LDLRAP1: variants seen among roughly 807,000 people sequenced by gnomAD.
LDLRAP1 encodes low density lipoprotein receptor adaptor protein 1.
LDLRAP1 carries 30 observed loss-of-function variants against 37.8 expected under a neutral mutation model. The ratio of observed to expected loss-of-function variants is 0.79; its 90% CI spans 0.59 to 1.08. The LOEUF (loss-of-function observed/expected upper bound fraction) is 1.08. Ranked by LOEUF, LDLRAP1 falls within the 50% of genes least tolerant of loss-of-function variation. LDLRAP1 has a pLI of 0.00. For missense variants in LDLRAP1, 375 were observed against 401.6 expected (o/e 0.93, Z 0.57); for synonymous variants, 156 against 169.8 (o/e 0.92, Z 0.63).
intron 1 of LDLRAP1, among the ~76,000 whole-genome samples, chr1:25,550,417 T>C (rs893586916): frequency 6.6e-6 from 1 of 151,742 alleles, no homozygotes; most frequent in Non-Finnish European, 1.5e-5. Context: ...CTGGAAGAGG[T>C]TGGATGTGTG....
chr1:25,560,137 G>A (rs557359940), intron 4 of LDLRAP1, among the ~76,000 whole-genome samples: 24 of 152,304 alleles, frequency 1.6e-4, no homozygotes, highest in African/African-American at 5.5e-4. Context: ...GCAGAGGGGC[G>A]AAGTGAAATG....
rs2044175128 is a variant in LDLRAP1, at chr1:25,555,392, C to A, written c.344+420C>A. On this transcript the variant is annotated intron_variant, in intron 3 of 8. Transcript: ENST00000374338. The surrounding 1 kb of genome is among the most constrained non-coding windows in gnomAD (Gnocchi z 4.7). ...ATTCCAGGGAGGCCTCAGCCAAGGT[C>A]TGAAGTCAGAGTATAGATGGTCTCT... Among the ~76,000 whole-genome samples, 1 of 152,166 alleles carries A rather than the reference C, an allele frequency of 6.6e-6. No homozygotes were observed. Among genetic ancestry groups the A allele is most frequent in the South Asian group, 2.1e-4 (1 of 4,824 alleles).
the LDLRAP1 span, among the ~76,000 whole-genome samples, chr1:25,581,029 C>T: frequency 6.6e-6 from 1 of 152,112 alleles, no homozygotes; most frequent in Non-Finnish European, 1.5e-5. Flanking sequence ...GCAGGAAGGG[C>T]CTGTCTAGAC....
At chr1:25,565,263 C>T in intron 8 of LDLRAP1, 56 bp downstream of exon 8, 1 of 1,592,060 alleles carries the variant, frequency 6.3e-7, no homozygotes, top group Non-Finnish European at 8.6e-7. Context: ...GCTGGCCCTG[C>T]TGCCCTTTCT....
chr1:25,554,153 GT>G lies in LDLRAP1; in HGVS notation c.231+91del. Reference sequence around the variant, plus strand: ...GCCCTCGTCCCAGCTTGTTACTCCAGTTGGGTGTGTCTGAGCCTGGCCCTGC... The same window carrying G: ...GCCCTCGTCCCAGCTTGTTACTCCAGTGGGTGTGTCTGAGCCTGGCCCTGC... On this transcript the variant is annotated intron_variant, in intron 2 of 8. Coordinates refer to ENST00000374338, the MANE Select transcript of LDLRAP1 (RefSeq NM_015627.3). The surrounding 1 kb of genome is among the most constrained non-coding windows in gnomAD (Gnocchi z 5.4). 6.6e-7 allele frequency: 1 copy of G among 1,524,788 alleles called. No homozygotes were observed. Among genetic ancestry groups the G allele is most frequent in the Non-Finnish European group, 9.0e-7 (1 of 1,115,238 alleles). 94.5% of individuals were successfully genotyped at this position (1,524,788 alleles called of 1,614,324 possible).
At chr1:25,558,851 C>T (rs1157827938) in intron 4 of LDLRAP1, among the ~76,000 whole-genome samples, 2 of 152,098 alleles carry the variant, frequency 1.3e-5, no homozygotes, top group Non-Finnish European at 2.9e-5. Flanking sequence ...ATCTTGGGGG[C>T]GGACACACGA....
At chr1:25,552,706 AGAAAC>A (rs2044100417) in intron 1 of LDLRAP1, among the ~76,000 whole-genome samples, 1 of 152,180 alleles carries the variant, frequency 6.6e-6, no homozygotes, top group African/African-American at 2.4e-5. Context: ...GGGGATGGTC[AGAAAC>A]TGTCAGTGCA....
the LDLRAP1 span, among the ~76,000 whole-genome samples, chr1:25,585,758 C>G: frequency 0.02 from 3,105 of 152,312 alleles, 55 homozygotes; most frequent in Non-Finnish European, 0.028. Flanking sequence ...TTCTCCCTTT[C>G]TACTGCCTAC....
chr1:25,566,061 C>T (rs551544352), intron 8 of LDLRAP1, among the ~76,000 whole-genome samples: 95 of 152,300 alleles, frequency 6.2e-4, no homozygotes, highest in Non-Finnish European at 1.1e-3. Context: ...CACTGGCTGA[C>T]GACACCTGCC....
At chr1:25,588,350 C>T in the LDLRAP1 span, among the ~76,000 whole-genome samples, 1 of 152,218 alleles carries the variant, frequency 6.6e-6, no homozygotes, top group Non-Finnish European at 1.5e-5. Context: ...CATCTGTCTC[C>T]TGCTCGTCCC....
chr1:25,586,561 C>T, the LDLRAP1 span, among the ~76,000 whole-genome samples: 2 of 150,180 alleles, frequency 1.3e-5, no homozygotes, highest in Non-Finnish European at 3.0e-5. The surrounding 1 kb of genome is among the most constrained non-coding windows in gnomAD (Gnocchi z 4.3). Context: ...TGTGTGTGTA[C>T]GTGCGTGTGT....
chr1:25,568,626 T>C lies in LDLRAP1; in HGVS notation c.*1634T>C, dbSNP rs2044548278. On this transcript the variant is annotated 3_prime_UTR_variant, in exon 9 of 9. Coordinates refer to ENST00000374338, the MANE Select transcript of LDLRAP1 (RefSeq NM_015627.3). The stretch of plus-strand genomic sequence containing the variant: ...GGATAACTTCCTTGCCCCTGCTCTG[T>C]AGCCACCTCCTTGGCACCGGCCTCT... 6.6e-6 allele frequency: 1 copy of C among 152,256 alleles called. No homozygotes were observed. Among genetic ancestry groups the C allele is most frequent in the Non-Finnish European group, 1.5e-5 (1 of 68,064 alleles). The allele number at this position is 152,256 out of a possible 1,614,324, so 9.4% of individuals were successfully genotyped here.
chr1:25,581,681 G>A, the LDLRAP1 span: 3 of 152,530 alleles, frequency 2.0e-5, no homozygotes, highest in African/African-American at 7.2e-5. Flanking sequence ...TATGCTGAAG[G>A]GGAAATGGAG....
intron 1 of LDLRAP1, among the ~76,000 whole-genome samples, chr1:25,545,049 G>C (rs1395870867): frequency 6.6e-6 from 1 of 152,266 alleles, no homozygotes; most frequent in African/African-American, 2.4e-5. Flanking sequence ...CTGCTGGTGG[G>C]GGGTGGGGTC....
chr1:25,554,018 AG>A lies in LDLRAP1; in HGVS notation c.188del (p.Gly63ValfsTer26). The A allele has an allele frequency of 6.2e-7, 1 of 1,614,096 alleles. No individual in the cohort carries two copies. The highest frequency in any genetic ancestry group is 8.5e-7 in the Non-Finnish European group (1 of 1,180,024). On this transcript the variant is annotated frameshift_variant, in exon 2 of 9. Transcript: ENST00000374338. LOFTEE classifies it high-confidence loss of function. The surrounding 1 kb of genome is among the most constrained non-coding windows in gnomAD (Gnocchi z 5.4). ...YLGMTLVEQP[K>X]GEELSAAAIK... ...GGCATGACGCTAGTGGAGCAGCCCAAGGGTGAGGAGCTGTCGGCCGCCGCCA... is the reference window on the plus strand; with the variant it reads ...GGCATGACGCTAGTGGAGCAGCCCAAGGTGAGGAGCTGTCGGCCGCCGCCA...
chr1:25,584,878 T>C, the LDLRAP1 span, among the ~76,000 whole-genome samples: 1 of 152,214 alleles, frequency 6.6e-6, no homozygotes, highest in Admixed American at 6.5e-5. Flanking sequence ...TTCCTGCTGC[T>C]ATCCTGTTCC....
rs906889071 is a variant in LDLRAP1, at chr1:25,555,055, A to G, written c.344+83A>G. Reference sequence around the variant, plus strand: ...ATCCCATCTGAATCCAGGCTCTACCACTTCCTACCTGGGTGACATTGGAGC... The same window carrying G: ...ATCCCATCTGAATCCAGGCTCTACCGCTTCCTACCTGGGTGACATTGGAGC... On this transcript the variant is annotated intron_variant, in intron 3 of 8. Coordinates refer to ENST00000374338, the MANE Select transcript of LDLRAP1 (RefSeq NM_015627.3). This position sits in a 1 kb window ranked among gnomAD's most constrained non-coding sequence, Gnocchi z 4.7. 3 of 978,628 alleles carry G rather than the reference A, an allele frequency of 3.1e-6. No homozygotes were observed. The highest frequency in any genetic ancestry group is 3.2e-5 in the African/African-American group (2 of 62,860). The allele number at this position is 978,628 out of a possible 1,614,324, so 60.6% of individuals were successfully genotyped here.
chr1:25,572,794 A>G (rs1557718100), downstream of LDLRAP1, among the ~76,000 whole-genome samples: 2 of 152,176 alleles, frequency 1.3e-5, no homozygotes, highest in African/African-American at 2.4e-5. Context: ...GAGGCTGGAG[A>G]AAGGACCTTG....
At chr1:25,556,447 A>AC (rs1408067586) in intron 3 of LDLRAP1, among the ~76,000 whole-genome samples, 1 of 152,124 alleles carries the variant, frequency 6.6e-6, no homozygotes, top group Non-Finnish European at 1.5e-5. Flanking sequence ...CTCGTCACAC[A>AC]CGCACCCCAC....
Sources: allele counts gnomAD v4.1 joint callset (sites outside exome capture counted in the v4.1 genomes callset), GRCh38; gene constraint gnomAD v4.1.1; non-coding constraint Gnocchi (gnomAD v3.1); transcripts MANE v1.5; gene names NCBI Gene and HGNC (gene_info 2026-07-23, HGNC 2026-07-21).